P3H3: variants seen among roughly 807,000 people sequenced by gnomAD.
P3H3 encodes the protein gene rich cluster, B.
P3H3 carries 64 observed loss-of-function variants against 78.1 expected under a neutral mutation model. That is an observed-to-expected ratio of 0.82 (90% CI 0.67 to 1.01). The LOEUF is 1.01. Ranked by LOEUF, P3H3 falls within the 50% of genes least tolerant of loss-of-function variation. The pLI, the probability that P3H3 is intolerant of heterozygous loss-of-function variation, is 0.00. For missense variants in P3H3, 975 were observed against 982.2 expected (o/e 0.99, Z 0.10); for synonymous variants, 425 against 416.7 (o/e 1.02, Z -0.24).
In P3H3 at chr12:6,839,086, A is replaced by G; in HGVS notation, c.1992A>G (p.Gly664=). 1 of 1,610,388 alleles carries G rather than the reference A, an allele frequency of 6.2e-7. No homozygotes were observed. Residue 664 remains glycine (G), a synonymous_variant, in exon 14 of 15, where the codon GGA becomes GGG. Coordinates refer to ENST00000290510, the MANE Select transcript of P3H3 (RefSeq NM_014262.5). ...NPHGVWAVTR[G]RRCALALWHT... ...ATGGGGTGTGGGCCGTGACTCGGGG[A>G]CGGCGCTGTGCCCTGGCACTGTGGC...
Position 6,837,574 on chromosome 12 carries a change from G to C in P3H3, c.1711+1G>C. 1 of 1,611,638 alleles carries C rather than the reference G, an allele frequency of 6.2e-7. No homozygotes were observed. Among genetic ancestry groups the C allele is most frequent in the South Asian group, 1.1e-5 (1 of 90,632 alleles). On this transcript the variant is annotated splice_donor_variant, in intron 11 of 14. Transcript: ENST00000290510. LOFTEE classifies it high-confidence loss of function. ...CTGGTGTGCCGCAGCGCCATAGAAGGTACGACAGGGACCCCCCACTGCTCT... is the reference window on the plus strand; with the variant it reads ...CTGGTGTGCCGCAGCGCCATAGAAGCTACGACAGGGACCCCCCACTGCTCT...
rs781982387 is a variant in P3H3, at chr12:6,839,503, T to C, written c.*42T>C. The stretch of plus-strand genomic sequence containing the variant: ...CTTGAGGATGTGGCCACTTGACTTG[T>C]GGAAGGCCATCTTGATGCCAGGACA... On this transcript the variant is annotated 3_prime_UTR_variant, in exon 15 of 15. Transcript: ENST00000290510. The C allele has an allele frequency of 5.2e-5, 80 of 1,538,786 alleles. No individual in the cohort carries two copies. Among genetic ancestry groups the C allele is most frequent in the Non-Finnish European group, 6.7e-5 (77 of 1,140,772 alleles).
At position 6,830,716 on chromosome 12, in the gene P3H3, G is replaced by A. The variant is rs912292466; in HGVS notation, c.931G>A (p.Val311Ile). The A allele has an allele frequency of 2.5e-5, 40 of 1,613,818 alleles. No individual in the cohort carries two copies. Among genetic ancestry groups the A allele is most frequent in the Non-Finnish European group, 3.3e-5 (39 of 1,179,868 alleles). Residue 311 changes from valine (V) to isoleucine (I), a missense_variant, in exon 4 of 15, where the codon GTC becomes ATC. Val to Ile is a conservative substitution (Grantham distance 29). Transcript: ENST00000290510. ...CACACGCCCTGGTCGCAGCTTCCCT[G>A]TCCCAGACTTCCTTCCCAACCAGCT... ...TATRPGRSFP[V>I]PDFLPNQLRR...
chr12:6,832,787 A>G (rs181852981), intron 6 of P3H3, among the ~76,000 whole-genome samples: 1 of 149,734 alleles, frequency 6.7e-6, no homozygotes, highest in East Asian at 2.0e-4. Flanking sequence ...TTTTTAGTAG[A>G]GATGGGGTTT....
chr12:6,837,959 G>C lies in P3H3; in HGVS notation c.1831G>C (p.Gly611Arg), dbSNP rs200830991. The change falls in exon 13 of 15, where the codon GGA becomes CGA. Residue 611 changes from glycine (G) to arginine (R), a missense_variant and splice_region_variant. Gly to Arg is a moderately radical substitution (Grantham distance 125). Transcript: ENST00000290510. The stretch of plus-strand genomic sequence containing the variant: ...CCTCTTGCTTTTTTCCCTCCCCAGC[G>C]GACTCCTCTACCTCAACGATGACTT... ...PPAYTYRDYS[G>R]LLYLNDDFQG... 6.2e-7 allele frequency: 1 copy of C among 1,605,386 alleles called. No individual in the cohort carries two copies.
At chr12:6,835,185 A>G (rs1285999412) in intron 9 of P3H3, among the ~76,000 whole-genome samples, 1 of 152,184 alleles carries the variant, frequency 6.6e-6, no homozygotes, top group Admixed American at 6.5e-5. Context: ...AACATCTCTG[A>G]GCCTAATTTG....
chr12:6,828,846 G>A lies in P3H3; in HGVS notation c.406G>A (p.Gly136Arg), dbSNP rs1298127297. 2.4e-6 allele frequency: 3 copies of A among 1,244,920 alleles called. No individual in the cohort carries two copies. The highest frequency in any genetic ancestry group is 8.4e-5 in the Admixed American group (2 of 23,738). 77.1% of individuals were successfully genotyped at this position (1,244,920 alleles called of 1,614,324 possible). A position where few individuals can be genotyped will look rare whatever the true frequency, so the allele number is the denominator to read the frequency against. Residue 136 changes from glycine (G) to arginine (R), a missense_variant, in exon 1 of 15, where the codon GGG becomes AGG. By Grantham distance (125) the Gly-to-Arg change is moderately radical. Coordinates refer to ENST00000290510, the MANE Select transcript of P3H3 (RefSeq NM_014262.5). The part of the protein sequence containing the change: ...TQCAARRLGP[G>R]GAARLRVGSA... ...GTGCGCAGCACGGAGGCTGGGCCCC[G>A]GGGGCGCGGCGCGGCTTCGCGTGGG...
At position 6,831,063 on chromosome 12, in the gene P3H3, G is replaced by A. The variant is rs782577450; in HGVS notation, c.986-153G>A. The A allele has an allele frequency of 1.4e-5, 14 of 1,018,718 alleles. No homozygotes were observed. Among genetic ancestry groups the A allele is most frequent in the Admixed American group, 5.1e-5 (3 of 58,440 alleles). 63.1% of individuals were successfully genotyped at this position (1,018,718 alleles called of 1,614,324 possible). A position where few individuals can be genotyped will look rare whatever the true frequency, so the allele number is the denominator to read the frequency against. Reference sequence around the variant, plus strand: ...GTTTGCACCAGTGTTTGAAAGAACCGGCAGCTGAACTTGTCTGCCAGTGGG... The same window carrying A: ...GTTTGCACCAGTGTTTGAAAGAACCAGCAGCTGAACTTGTCTGCCAGTGGG... On this transcript the variant is annotated intron_variant, in intron 4 of 14. Transcript: ENST00000290510. This position sits in a 1 kb window ranked among gnomAD's most constrained non-coding sequence, Gnocchi z 4.6.
In P3H3 at chr12:6,830,740, C is replaced by T. The variant is rs782146623; in HGVS notation, c.955C>T (p.Leu319=). The change falls in exon 4 of 15, where the codon CTG becomes TTG. Residue 319 remains leucine, a synonymous_variant. Coordinates refer to ENST00000290510, the MANE Select transcript of P3H3 (RefSeq NM_014262.5). The stretch of plus-strand genomic sequence containing the variant: ...TGTCCCAGACTTCCTTCCCAACCAG[C>T]TGAGGCGGCTACATGAGGCCCATGC... ...FPVPDFLPNQ[L]RRLHEAHAQV... 1 of 1,613,978 alleles carries T rather than the reference C, an allele frequency of 6.2e-7. No homozygotes were observed. The highest frequency in any genetic ancestry group is 8.5e-7 in the Non-Finnish European group (1 of 1,179,886).
At chr12:6,833,849 C>T (rs117605031) in intron 8 of P3H3, 40 bp downstream of exon 8, 25,688 of 1,612,784 alleles carry the variant, frequency 0.016, 314 homozygotes, top group East Asian at 0.045. Context: ...CCTGGAGGGT[C>T]TGGGGGCTGC....
At chr12:6,830,588 G>A in intron 3 of P3H3, 34 bp downstream of exon 3, 1 of 1,586,140 alleles carries the variant, frequency 6.3e-7, no homozygotes, top group Non-Finnish European at 8.6e-7. Flanking sequence ...GTGGGTCGGT[G>A]CCCAGGGAGG....
At chr12:6,835,333 A>T (rs1943485849) in intron 9 of P3H3, among the ~76,000 whole-genome samples, 1 of 152,224 alleles carries the variant, frequency 6.6e-6, no homozygotes, top group Non-Finnish European at 1.5e-5. Flanking sequence ...CTGTAATCCC[A>T]GCACTTTAGG....
chr12:6,831,650 C>G lies in P3H3; in HGVS notation c.1123-175C>G, dbSNP rs1943451870. Among the ~76,000 whole-genome samples the G allele has an allele frequency of 6.6e-6, 1 of 152,128 alleles. No individual in the cohort carries two copies. Among genetic ancestry groups the G allele is most frequent in the African/African-American group, 2.4e-5 (1 of 41,408 alleles). On this transcript the variant is annotated intron_variant, in intron 5 of 14. Transcript: ENST00000290510. The surrounding 1 kb of genome is among the most constrained non-coding windows in gnomAD (Gnocchi z 4.6). The stretch of plus-strand genomic sequence containing the variant: ...CTCACACACACTCCCACCCCCTACA[C>G]CCTTTCCAGTTTAAGTCCAGATGCT...
chr12:6,829,896 C>T lies in P3H3; in HGVS notation c.536C>T (p.Thr179Ile). ...KLDLAAAAAH[T>I]FFVANPMHLQ... ...GATCTGGCAGCTGCGGCAGCACACA[C>T]CTTCTTTGTAGCAAACCCCATGCAC... The change falls in exon 2 of 15, where the codon ACC (threonine) becomes ATC (isoleucine). Residue 179 changes from threonine to isoleucine, a missense_variant. Coordinates refer to ENST00000290510, the MANE Select transcript of P3H3 (RefSeq NM_014262.5). This position sits in a 1 kb window ranked among gnomAD's most constrained non-coding sequence, Gnocchi z 5.1. 6.2e-7 allele frequency: 1 copy of T among 1,614,040 alleles called. No homozygotes were observed. The highest frequency in any genetic ancestry group is 8.5e-7 in the Non-Finnish European group (1 of 1,179,898).
Position 6,829,204 on chromosome 12 carries a change from G to C in P3H3, c.498+266G>C. The C allele has an allele frequency of 2.7e-6, 1 of 376,288 alleles. No homozygotes were observed. Among genetic ancestry groups the C allele is most frequent in the Non-Finnish European group, 4.7e-6 (1 of 212,032 alleles). The allele number at this position is 376,288 out of a possible 1,614,324, so 23.3% of individuals were successfully genotyped here. ...GACGGGAGCAGATCGAAGATGGAGGGACAGGGCCGCCTCTTCCTAGGAATG... is the reference window on the plus strand; with the variant it reads ...GACGGGAGCAGATCGAAGATGGAGGCACAGGGCCGCCTCTTCCTAGGAATG... On this transcript the variant is annotated intron_variant, in intron 1 of 14. Transcript: ENST00000290510. The surrounding 1 kb of genome is among the most constrained non-coding windows in gnomAD (Gnocchi z 5.1).
intron 13 of P3H3, 57 bp from the exon 14 acceptor site, chr12:6,838,943 G>A (rs782560388): frequency 3.5e-5 from 52 of 1,501,094 alleles, no homozygotes; most frequent in Non-Finnish European, 4.1e-5. Flanking sequence ...AGGGAGTGAG[G>A]GCCAAGTTCT....
Position 6,833,648 on chromosome 12 carries a change from G to C in P3H3, c.1265+4G>C, listed in dbSNP as rs1476248337. The stretch of plus-strand genomic sequence containing the variant: ...AGGCACTTAGAGAAAAGCTCAGGTA[G>C]GATATGCCCCATGGTGGGAGGGGCT... On this transcript the variant is annotated splice_donor_region_variant and intron_variant, in intron 7 of 14. Coordinates refer to ENST00000290510, the MANE Select transcript of P3H3 (RefSeq NM_014262.5). 4 of 1,613,756 alleles carry C rather than the reference G, an allele frequency of 2.5e-6. No homozygotes were observed. Among genetic ancestry groups the C allele is most frequent in the Non-Finnish European group, 3.4e-6 (4 of 1,179,704 alleles).
Position 6,831,997 on chromosome 12 carries a change from T to C in P3H3, c.1212+83T>C, listed in dbSNP as rs1943455183. 1.4e-5 allele frequency: 11 copies of C among 776,538 alleles called. No individual in the cohort carries two copies. The highest frequency in any genetic ancestry group is 6.1e-5 in the South Asian group (4 of 65,578). 48.1% of individuals were successfully genotyped at this position (776,538 alleles called of 1,614,324 possible). A position where few individuals can be genotyped will look rare whatever the true frequency, so the allele number is the denominator to read the frequency against. On this transcript the variant is annotated intron_variant, in intron 6 of 14. Coordinates refer to ENST00000290510, the MANE Select transcript of P3H3 (RefSeq NM_014262.5). This position sits in a 1 kb window ranked among gnomAD's most constrained non-coding sequence, Gnocchi z 4.6. ...TTTGGTTTGCAACAGAGTTTTCCAT[T>C]TTTCCACCATGAGGCTTGGAGAAGA...
In P3H3 at chr12:6,837,820, GCC is replaced by G. The variant is rs782209401; in HGVS notation, c.1804_1805del (p.Pro602SerfsTer16). The G allele has an allele frequency of 1.2e-6, 2 of 1,612,204 alleles. No homozygotes were observed. The highest frequency in any genetic ancestry group is 8.5e-7 in the Non-Finnish European group (1 of 1,179,210). On this transcript the variant is annotated frameshift_variant, in exon 12 of 15. Transcript: ENST00000290510. LOFTEE classifies it high-confidence loss of function. Reference sequence around the variant, plus strand: ...CTGACACGGGAGAGTGCTGGCGGGAGCCCCCAGCCTACACCTATCGGGACTAC... The same window carrying G: ...CTGACACGGGAGAGTGCTGGCGGGAGCCCAGCCTACACCTATCGGGACTAC... ...DPDTGECWREPPAYTYRDYSG... is the reference protein window; with the variant it reads ...DPDTGECWREXPAYTYRDYSG...
Sources: allele counts gnomAD v4.1 joint callset (sites outside exome capture counted in the v4.1 genomes callset), GRCh38; gene constraint gnomAD v4.1.1; non-coding constraint Gnocchi (gnomAD v3.1); transcripts MANE v1.5; gene names NCBI Gene and HGNC (gene_info 2026-07-23, HGNC 2026-07-21).